Variants in PRKCB observed in about 807,000 individuals in gnomAD.
The protein encoded by PRKCB is protein kinase C beta.
A neutral mutation model predicts 81.5 loss-of-function variants in PRKCB; 13 were observed. The ratio of observed to expected loss-of-function variants is 0.16; its 90% CI spans 0.10 to 0.25. The LOEUF (loss-of-function observed/expected upper bound fraction) is 0.25. Among genes scored for constraint, PRKCB ranks in the 10% least tolerant of loss-of-function variants. PRKCB has a pLI of 1.00. For synonymous variants in PRKCB, 335 were observed against 321.4 expected, an observed-to-expected ratio of 1.04 and a Z score of -0.45; for missense variants, 509 against 875.7, an observed-to-expected ratio of 0.58 and a Z score of 5.29.
intron 2 of PRKCB, among the ~76,000 whole-genome samples, chr16:23,889,512 A>C (rs770491804): frequency 3.5e-4 from 54 of 152,240 alleles, no homozygotes; most frequent in Non-Finnish European, 7.2e-4. Flanking sequence ...TCTTCAATAA[A>C]TATTTCTGGT....
intron 8 of PRKCB, among the ~76,000 whole-genome samples, chr16:24,119,298 G>C (rs1254458818): frequency 6.6e-6 from 1 of 152,064 alleles, no homozygotes; most frequent in East Asian, 1.9e-4. Context: ...GGATGAGGCT[G>C]TTAGCTGCTC....
chr16:23,845,444 G>C (rs1216157090), intron 2 of PRKCB, among the ~76,000 whole-genome samples: 1 of 151,962 alleles, frequency 6.6e-6, no homozygotes, highest in Non-Finnish European at 1.5e-5. Flanking sequence ...CAAGGAACTA[G>C]AGCTAAAAAT....
intron 3 of PRKCB, among the ~76,000 whole-genome samples, chr16:24,002,763 T>G (rs916344090): frequency 6.6e-6 from 1 of 152,106 alleles, no homozygotes; most frequent in African/African-American, 2.4e-5. Flanking sequence ...CCAAGGAGCA[T>G]GCGGGGATGG....
intron 5 of PRKCB, among the ~76,000 whole-genome samples, chr16:24,091,211 C>T (rs1453686129): frequency 6.6e-6 from 1 of 152,160 alleles, no homozygotes; most frequent in Non-Finnish European, 1.5e-5. Context: ...TGTTAAAATT[C>T]TCTGCTGTTT....
intron 2 of PRKCB, among the ~76,000 whole-genome samples, chr16:23,969,076 A>C (rs1346657652): frequency 6.6e-6 from 1 of 152,158 alleles, no homozygotes; most frequent in Non-Finnish European, 1.5e-5. Context: ...AGGCTGAGGC[A>C]AGTGAATTGC....
intron 11 of PRKCB, 171 bp from the exon 12 acceptor site, chr16:24,174,347 C>T (rs1967493870): frequency 1.6e-6 from 1 of 611,780 alleles, no homozygotes; most frequent in Non-Finnish European, 2.8e-6. Context: ...ACCCTCTAAA[C>T]CACCCTTTGA....
chr16:23,892,855 T>C (rs1474271235), intron 2 of PRKCB: 4 of 152,128 alleles, frequency 2.6e-5, no homozygotes, highest in African/African-American at 9.7e-5. Flanking sequence ...TGCCTTCTGA[T>C]CTCAGCCTAT....
At chr16:24,032,348 CT>C (rs1965560714) in intron 4 of PRKCB, 101 bp downstream of exon 4, 1 of 743,304 alleles carries the variant, frequency 1.3e-6, no homozygotes. Context: ...ACATTCCCCC[CT>C]GTCCTCGTTG....
At chr16:24,108,344 AATTTATTTATTT>A (rs1220670870) in intron 7 of PRKCB, among the ~76,000 whole-genome samples, 1 of 118,460 alleles carries the variant, frequency 8.4e-6, no homozygotes, top group African/African-American at 4.1e-5. Flanking sequence ...TTTTTTTTTA[AATTTATTTATTT>A]ATTTATTTAT....
intron 7 of PRKCB, among the ~76,000 whole-genome samples, chr16:24,101,285 A>G (rs1000549793): frequency 6.6e-6 from 1 of 152,190 alleles, no homozygotes; most frequent in Non-Finnish European, 1.5e-5. Context: ...GGTGGCTCAT[A>G]TCTGTAATCC....
At chr16:23,895,547 A>AT (rs1429124968) in intron 2 of PRKCB, among the ~76,000 whole-genome samples, 1 of 151,992 alleles carries the variant, frequency 6.6e-6, no homozygotes, top group African/African-American at 2.4e-5. Context: ...ACACCTTTGT[A>AT]TTTTTTTAAA....
intron 9 of PRKCB, among the ~76,000 whole-genome samples, chr16:24,136,808 T>C (rs1430038678): frequency 1.3e-5 from 2 of 152,192 alleles, no homozygotes; most frequent in African/African-American, 4.8e-5. Context: ...GACGGGCCTG[T>C]CTGGCACACA....
chr16:24,018,335 G>A lies in PRKCB; in HGVS notation c.289-13801G>A, dbSNP rs77400425. 7.2e-5 allele frequency among the ~76,000 whole-genome samples: 11 copies of A among 152,338 alleles called. No individual in the cohort carries two copies. The East Asian group carries it at 1.9e-3, about 27-fold the overall frequency. The stretch of plus-strand genomic sequence containing the variant: ...CAAAGTGCTGGGAATACAGGCGTGA[G>A]CCACCGGACCTGGCAGAACATTTCT... On this transcript the variant is annotated intron_variant, in intron 3 of 16. Transcript: ENST00000643927.
At chr16:23,918,700 TG>T (rs1232146113) in intron 2 of PRKCB, among the ~76,000 whole-genome samples, 2 of 152,360 alleles carry the variant, frequency 1.3e-5, no homozygotes, top group Non-Finnish European at 2.9e-5. Context: ...CCAGGCCTTT[TG>T]TGTTACTTTT....
rs1193506767 is a variant in PRKCB, at chr16:24,215,229, C to A, written c.*413C>A. 1 of 1,001,800 alleles carries A rather than the reference C, an allele frequency of 1.0e-6. No individual in the cohort carries two copies. The allele number at this position is 1,001,800 out of a possible 1,614,324, so 62.1% of individuals were successfully genotyped here. On this transcript the variant is annotated 3_prime_UTR_variant, in exon 17 of 17. Coordinates refer to ENST00000643927, the MANE Select transcript of PRKCB (RefSeq NM_002738.7). Reference sequence around the variant, plus strand: ...TCCGGGCCTGGAGCTTGGCTTGTATCCAAGTGTATGGTTGCTTTGCCTAAG... The same window carrying A: ...TCCGGGCCTGGAGCTTGGCTTGTATACAAGTGTATGGTTGCTTTGCCTAAG...
chr16:23,920,613 C>A lies in PRKCB; in HGVS notation c.206-67895C>A, dbSNP rs900837936. 2.8e-4 allele frequency among the ~76,000 whole-genome samples: 42 copies of A among 152,182 alleles called. 1 individual carries two copies. The highest frequency in any genetic ancestry group is 2.0e-4 in the Admixed American group (3 of 15,276). On this transcript the variant is annotated intron_variant, in intron 2 of 16. Coordinates refer to ENST00000643927, the MANE Select transcript of PRKCB (RefSeq NM_002738.7). ...GCTGGTGTGATAAGGGAAGGTTACCCAGCTTTCCTGTCAGGCGGTGTGTGG... is the reference window on the plus strand; with the variant it reads ...GCTGGTGTGATAAGGGAAGGTTACCAAGCTTTCCTGTCAGGCGGTGTGTGG...
intron 5 of PRKCB, among the ~76,000 whole-genome samples, chr16:24,068,047 T>C (rs1267956115): frequency 6.6e-6 from 1 of 151,992 alleles, no homozygotes; most frequent in Non-Finnish European, 1.5e-5. Context: ...TGTGTGCTGG[T>C]TTATAGCCTT....
chr16:24,148,242 A>G (rs1283011921), intron 9 of PRKCB, among the ~76,000 whole-genome samples: 1 of 152,162 alleles, frequency 6.6e-6, no homozygotes, highest in Admixed American at 6.6e-5. Context: ...TGTCAGCTTA[A>G]CCATCACTTC....
At chr16:24,141,356 G>A (rs1390124777) in intron 9 of PRKCB, among the ~76,000 whole-genome samples, 3 of 152,048 alleles carry the variant, frequency 2.0e-5, no homozygotes, top group South Asian at 4.2e-4. Context: ...CACCATGCCT[G>A]GCTAATTTTT....
Sources: gnomAD v4.1 joint callset for allele counts (sites outside exome capture counted in the v4.1 genomes callset) on GRCh38, gnomAD v4.1.1 for gene constraint, MANE v1.5 for transcripts, NCBI Gene and HGNC (gene_info 2026-07-23, HGNC 2026-07-21) for gene names.